Variants in FAM220A observed in about 807,000 individuals in gnomAD.
FAM220A encodes protein FAM220A.
For synonymous variants in FAM220A, 141 were observed against 130.7 expected (o/e 1.08, Z -0.54); for missense variants, 392 against 321.6 (o/e 1.22, Z -1.68).
Position 6,331,174 on chromosome 7 carries a change from G to T in FAM220A, c.-20C>A, listed in dbSNP as rs747692811. The stretch of plus-strand genomic sequence containing the variant: ...CCTCATGCTTCGTGTTCTTGGATGC[G>T]GTGGGCCTGAGGTCACGCCTTCGTC... On this transcript the variant is annotated 5_prime_UTR_variant, in exon 2 of 2. Coordinates refer to ENST00000313324, the MANE Select transcript of FAM220A (RefSeq NM_001037163.2). The T allele has an allele frequency of 1.2e-6, 2 of 1,601,754 alleles. No homozygotes were observed. The highest frequency in any genetic ancestry group is 1.7e-6 in the Non-Finnish European group (2 of 1,173,666).
intron 1 of FAM220A, among the ~76,000 whole-genome samples, chr7:6,339,803 C>G (rs534883356): frequency 3.9e-4 from 59 of 151,870 alleles, no homozygotes; most frequent in Non-Finnish European, 7.1e-4. Context: ...CCTGTCTCCC[C>G]CTCCCGGTCC....
chr7:6,346,830 T>G (rs774718119), intron 1 of FAM220A, among the ~76,000 whole-genome samples: 3 of 152,212 alleles, frequency 2.0e-5, no homozygotes, highest in South Asian at 2.1e-4. Context: ...GGACGGCACC[T>G]GCAGTGTGGT....
At chr7:6,338,853 C>T (rs1392692778) in intron 1 of FAM220A, among the ~76,000 whole-genome samples, 2 of 152,176 alleles carry the variant, frequency 1.3e-5, no homozygotes, top group Non-Finnish European at 2.9e-5. Context: ...AGGCTAGTCC[C>T]AAAGGGGAGA....
rs34147082 is a variant in FAM220A at position 6,347,517 on chromosome 7, G to GA, written c.-82+1055dup. 4.2e-3 allele frequency among the ~76,000 whole-genome samples: 610 copies of GA among 145,594 alleles called. 5 individuals carry two copies. The highest frequency in any genetic ancestry group is 7.8e-3 in the South Asian group (36 of 4,616). ...GGCAAGAGTAAGACTCTGTCTCAGG[G>GA]AAAAAAAAAAAAGAGATACCAATTT... On this transcript the variant is annotated intron_variant, in intron 1 of 1. Coordinates refer to ENST00000313324, the MANE Select transcript of FAM220A (RefSeq NM_001037163.2).
intron 1 of FAM220A, among the ~76,000 whole-genome samples, chr7:6,339,380 AT>A (rs1295394107): frequency 6.6e-6 from 1 of 152,114 alleles, no homozygotes; most frequent in Non-Finnish European, 1.5e-5. Context: ...AGGTGGGAGG[AT>A]CGTTTGAGCC....
intron 1 of FAM220A, among the ~76,000 whole-genome samples, chr7:6,337,996 G>T (rs906546608): frequency 6.6e-6 from 1 of 151,664 alleles, no homozygotes; most frequent in Admixed American, 6.6e-5. Context: ...TAGAGACATG[G>T]TTTCACCATG....
At chr7:6,340,175 G>A (rs1324549569) in intron 1 of FAM220A, among the ~76,000 whole-genome samples, 3 of 152,116 alleles carry the variant, frequency 2.0e-5, no homozygotes, top group South Asian at 4.1e-4. Flanking sequence ...ATGAGCTACC[G>A]CGCCCGGCCC....
At chr7:6,348,210 C>G (rs1390561640) in intron 1 of FAM220A, among the ~76,000 whole-genome samples, 2 of 141,548 alleles carry the variant, frequency 1.4e-5, no homozygotes, top group Admixed American at 1.5e-4. Context: ...CCGGCCGAGA[C>G]CCGTCTTTAC....
chr7:6,333,248 G>A (rs1252449717), intron 1 of FAM220A, among the ~76,000 whole-genome samples: 1 of 151,994 alleles, frequency 6.6e-6, no homozygotes, highest in Non-Finnish European at 1.5e-5. Flanking sequence ...GAAGGAGAAA[G>A]CAGGGAGAGT....
chr7:6,345,488 C>T (rs777272795), intron 1 of FAM220A, among the ~76,000 whole-genome samples: 20 of 151,844 alleles, frequency 1.3e-4, no homozygotes, highest in Non-Finnish European at 2.2e-4. Context: ...ATAGTCCAGG[C>T]GAGTGGATAC....
chr7:6,339,593 G>A (rs999733153), intron 1 of FAM220A, among the ~76,000 whole-genome samples: 9 of 149,936 alleles, frequency 6.0e-5, no homozygotes, highest in South Asian at 2.1e-4. Context: ...ACGCCATTCC[G>A]CTGCCTCAGC....
At chr7:6,338,880 A>G (rs1184600127) in intron 1 of FAM220A, among the ~76,000 whole-genome samples, 2 of 152,218 alleles carry the variant, frequency 1.3e-5, no homozygotes, top group Admixed American at 1.3e-4. Flanking sequence ...AGCTAAAACC[A>G]GCAGGGCCGC....
Position 6,330,651 on chromosome 7 carries a change from C to G in FAM220A, c.504G>C (p.Gln168His). The G allele has an allele frequency of 6.2e-7, 1 of 1,614,126 alleles. No individual in the cohort carries two copies. The highest frequency in any genetic ancestry group is 8.5e-7 in the Non-Finnish European group (1 of 1,180,030). Residue 168 changes from glutamine (Q) to histidine (H), a missense_variant, in exon 2 of 2, where the codon CAG (glutamine) becomes CAC (histidine). Coordinates refer to ENST00000313324, the MANE Select transcript of FAM220A (RefSeq NM_001037163.2). Reference sequence around the variant, plus strand: ...TGGGAAAAGCACTTGGTGGGTCATCCTGAAAACTTCCCATTTCCGGCACTT... The same window carrying G: ...TGGGAAAAGCACTTGGTGGGTCATCGTGAAAACTTCCCATTTCCGGCACTT... ...HQKVPEMGSF[Q>H]DDPPSAFPKG...
Position 6,330,808 on chromosome 7 carries a change from C to T in FAM220A, c.347G>A (p.Arg116Gln), listed in dbSNP as rs148485779. Residue 116 changes from arginine to glutamine, a missense_variant, in exon 2 of 2, where the codon CGG (arginine) becomes CAG (glutamine). Arg to Gln is a conservative substitution (Grantham distance 43, BLOSUM62 1). Coordinates refer to ENST00000313324, the MANE Select transcript of FAM220A (RefSeq NM_001037163.2). ...AGCTTCAACACCACTGCAGGACACC[C>T]GAGCAAAACACTCTGTTGGAGCAGG... is the stretch of plus-strand genomic sequence containing the variant. ...LFPAPTECFA[R>Q]VSCSGVEALG... 6.6e-5 allele frequency: 106 copies of T among 1,614,156 alleles called. No individual in the cohort carries two copies. In the African/African-American group the frequency reaches 8.4e-4, roughly 13 times the overall value.
rs377601840 is a variant in FAM220A at position 6,331,066 on chromosome 7, A to T, written c.89T>A (p.Leu30His). Residue 30 changes from leucine to histidine, a missense_variant, in exon 2 of 2, where the codon CTT (leucine) becomes CAT (histidine). Coordinates refer to ENST00000313324, the MANE Select transcript of FAM220A (RefSeq NM_001037163.2). ...GGDSDKLSCS[L>H]KKRMPEGPWP... is the part of the protein sequence containing the mutation. ...AGGGCCCTCCGGCATTCTTTTCTTA[A>T]GGCTGCATGATAGTTTGTCCGAGTC... 6.8e-6 allele frequency: 11 copies of T among 1,613,690 alleles called. No individual in the cohort carries two copies. Among genetic ancestry groups the T allele is most frequent in the Non-Finnish European group, 9.3e-6 (11 of 1,180,038 alleles).
At chr7:6,333,735 C>A (rs1029242244) in intron 1 of FAM220A, among the ~76,000 whole-genome samples, 1 of 148,232 alleles carries the variant, frequency 6.7e-6, no homozygotes, top group Non-Finnish European at 1.5e-5. Flanking sequence ...AAGTGCACTT[C>A]GAAGAGATCC....
rs772620909 is a variant in FAM220A at position 6,331,223 on chromosome 7, T to C, written c.-69A>G. 34 of 1,460,270 alleles carry C rather than the reference T, an allele frequency of 2.3e-5. No homozygotes were observed. In the African/African-American group the frequency reaches 4.7e-4, roughly 20 times the overall value. The allele number at this position is 1,460,270 out of a possible 1,614,324, so 90.5% of individuals were successfully genotyped here. A position where few individuals can be genotyped will look rare whatever the true frequency, so the allele number is the denominator to read the frequency against. The stretch of plus-strand genomic sequence containing the variant: ...TCAGTCTGGGAGGGCCTTCAATGGA[T>C]CTCAATATGAACCTAGGAAAGGGAA... On this transcript the variant is annotated 5_prime_UTR_variant, in exon 2 of 2. Transcript: ENST00000313324.
At chr7:6,337,038 A>G (rs1013664912) in intron 1 of FAM220A, among the ~76,000 whole-genome samples, 1 of 151,742 alleles carries the variant, frequency 6.6e-6, no homozygotes, top group African/African-American at 2.4e-5. Context: ...ATTCCTAAAT[A>G]TATTTCAATA....
intron 1 of FAM220A, among the ~76,000 whole-genome samples, chr7:6,333,609 C>T (rs2115130131): frequency 6.6e-6 from 1 of 152,030 alleles, no homozygotes; most frequent in South Asian, 2.1e-4. Flanking sequence ...AGCAATCCTC[C>T]TAATTCAGCC....
Sources: allele counts gnomAD v4.1 joint callset (sites outside exome capture counted in the v4.1 genomes callset), GRCh38; gene constraint gnomAD v4.1.1; transcripts MANE v1.5; gene names NCBI Gene and HGNC (gene_info 2026-07-23, HGNC 2026-07-21).